The following CPSF2 variants were observed in gnomAD, a reference collection of about 807,000 sequenced individuals.
The protein encoded by CPSF2 is cleavage and polyadenylation specific factor 2.
Under a neutral mutation model 84.2 loss-of-function variants are expected in CPSF2, and 51 were observed. The ratio of observed to expected loss-of-function variants is 0.61; its 90% confidence interval spans 0.48 to 0.77. The LOEUF is 0.77. Among genes scored for constraint, CPSF2 ranks in the 30% least tolerant of loss-of-function variants. The probability of loss-of-function intolerance (pLI) is 0.00; values close to 1 mark genes in which losing one functional copy is unlikely to be tolerated. For synonymous variants in CPSF2, 286 were observed against 311.9 expected, an observed-to-expected ratio of 0.92 and a Z score of 0.87; for missense variants, 641 against 929.4, an observed-to-expected ratio of 0.69 and a Z score of 4.03.
chr14:92,155,066 T>A, intron 10 of CPSF2, 57 bp from the exon 11 acceptor site: 1 of 1,113,218 alleles, frequency 9.0e-7, no homozygotes, highest in Admixed American at 2.0e-5. Context: ...TTGATAAATA[T>A]TAATTTAAAA....
At chr14:92,133,990 C>T in intron 3 of CPSF2, 21 bp from the exon 4 acceptor site, 4 of 1,612,416 alleles carry the variant, frequency 2.5e-6, no homozygotes, top group Non-Finnish European at 3.4e-6. Context: ...AGAAGTAGTC[C>T]TTTGGATTGT....
Position 92,134,129 on chromosome 14 carries a change from GT to G in CPSF2, c.271del (p.Tyr91IlefsTer26). 5 of 1,614,114 alleles carry G rather than the reference GT, an allele frequency of 3.1e-6. No individual in the cohort carries two copies. Among genetic ancestry groups the G allele is most frequent in the Non-Finnish European group, 4.2e-6 (5 of 1,180,016 alleles). ...LNCAIYATIP[V>X]YKMGQMFMYD... ...CTGTGCTATCTATGCAACCATTCCTGTTTATAAAATGGGACAGATGTTCATG... is the reference window on the plus strand; with the variant it reads ...CTGTGCTATCTATGCAACCATTCCTGTTATAAAATGGGACAGATGTTCATG... On this transcript the variant is annotated frameshift_variant, in exon 4 of 16. Coordinates refer to ENST00000298875, the MANE Select transcript of CPSF2 (RefSeq NM_017437.3). LOFTEE classifies it high-confidence loss of function.
At chr14:92,142,131 G>T in intron 7 of CPSF2, 33 bp from the exon 8 acceptor site, 2 of 1,510,058 alleles carry the variant, frequency 1.3e-6, no homozygotes, top group Non-Finnish European at 1.8e-6. Context: ...GTATTGTTAC[G>T]TTCTATGGGG....
Position 92,161,998 on chromosome 14 carries a change from CT to C in CPSF2, c.*257del, listed in dbSNP as rs1243201444. ...CCAAGAGTTGAAGGTGATTGGTTTT[CT>C]TTACAGACTCCTTGTTCTCTAGAAG... On this transcript the variant is annotated 3_prime_UTR_variant, in exon 16 of 16. Transcript: ENST00000298875. 1.8e-5 allele frequency: 5 copies of C among 280,024 alleles called. No individual in the cohort carries two copies. The highest frequency in any genetic ancestry group is 1.1e-4 in the African/African-American group (5 of 45,532). The allele number at this position is 280,024 out of a possible 1,614,324, so 17.3% of individuals were successfully genotyped here.
In CPSF2 at chr14:92,157,799, G is replaced by A. The variant is rs1160049761; in HGVS notation, c.1736G>A (p.Arg579His). Residue 579 changes from arginine (R) to histidine (H), a missense_variant, in exon 13 of 16, where the codon CGC becomes CAC. Physicochemically the swap from Arg to His is conservative, Grantham distance 29. Around this residue, in one of 2 missense-constraint regions of CPSF2, gnomAD observed 430 missense variants for 553.6 expected, o/e 0.78. Transcript: ENST00000298875. The surrounding 1 kb of genome is among the most constrained non-coding windows in gnomAD (Gnocchi z 4.0). Reference sequence around the variant, plus strand: ...AGTCAAGATCTGGCAGAGTGCTGTCGCGCCTTTGGTGGGAAAGATATTAAA... The same window carrying A: ...AGTCAAGATCTGGCAGAGTGCTGTCACGCCTTTGGTGGGAAAGATATTAAA... Reference protein sequence around the residue: ...EASQDLAECCRAFGGKDIKVY... With the variant: ...EASQDLAECCHAFGGKDIKVY... 11 of 1,614,018 alleles carry A rather than the reference G, an allele frequency of 6.8e-6. No homozygotes were observed. The highest frequency in any genetic ancestry group is 2.2e-5 in the East Asian group (1 of 44,888).
rs561037627 is a variant in CPSF2 at position 92,143,296 on chromosome 14, T to G, written c.1140+2T>G. ...TCTGAAAAAATTACAGAAATAGAGG[T>G]AAGCACTTGTATGTGAACTTTATCT... On this transcript the variant is annotated splice_donor_variant, in intron 9 of 15. Coordinates refer to ENST00000298875, the MANE Select transcript of CPSF2 (RefSeq NM_017437.3). LOFTEE classifies it high-confidence loss of function. 6.3e-7 allele frequency: 1 copy of G among 1,577,202 alleles called. No individual in the cohort carries two copies. Among genetic ancestry groups the G allele is most frequent in the African/African-American group, 1.4e-5 (1 of 73,714 alleles).
intron 9 of CPSF2, among the ~76,000 whole-genome samples, chr14:92,144,236 A>G (rs1469493673): frequency 2.0e-5 from 3 of 152,052 alleles, no homozygotes; most frequent in African/African-American, 7.2e-5. Flanking sequence ...CTTTATTCTC[A>G]TTGACTTTAG....
At position 92,142,185 on chromosome 14, in the gene CPSF2, G is replaced by A. The variant is rs981925568; in HGVS notation, c.683G>A (p.Arg228Gln). The A allele has an allele frequency of 1.2e-6, 2 of 1,610,254 alleles. No individual in the cohort carries two copies. The highest frequency in any genetic ancestry group is 1.1e-5 in the South Asian group (1 of 90,590). ...QLLTNVLETL[R>Q]GDGNVLIAVD... Reference sequence around the variant, plus strand: ...CTAGCAAATGTCCTGGAAACACTTCGAGGTGATGGAAATGTGTTAATAGCA... The same window carrying A: ...CTAGCAAATGTCCTGGAAACACTTCAAGGTGATGGAAATGTGTTAATAGCA... The change falls in exon 8 of 16, where the codon CGA becomes CAA. Residue 228 changes from arginine (R) to glutamine (Q), a missense_variant. This residue lies in a region of CPSF2 where 211 missense variants were observed against 375.7 expected (regional missense o/e 0.56). Transcript: ENST00000298875.
intron 6 of CPSF2, among the ~76,000 whole-genome samples, chr14:92,136,817 GA>G (rs982743248): frequency 6.6e-6 from 1 of 152,032 alleles, no homozygotes; most frequent in African/African-American, 2.4e-5. Context: ...AACCATTTTG[GA>G]AAAAAATCAA....
Position 92,155,278 on chromosome 14 carries a change from C to T in CPSF2, c.1397C>T (p.Ala466Val). 6.2e-7 allele frequency: 1 copy of T among 1,613,938 alleles called. No individual in the cohort carries two copies. Among genetic ancestry groups the T allele is most frequent in the East Asian group, 2.2e-5 (1 of 44,850 alleles). Residue 466 changes from alanine (A) to valine (V), a missense_variant, in exon 11 of 16, where the codon GCC becomes GTC. Ala to Val is a moderately conservative substitution (Grantham distance 64). Coordinates refer to ENST00000298875, the MANE Select transcript of CPSF2 (RefSeq NM_017437.3). Reference protein sequence around the residue: ...QAKKSYPMFPAPEERIKWDEY... With the variant: ...QAKKSYPMFPVPEERIKWDEY... ...AAAAAGTCCTATCCTATGTTTCCTGCCCCAGAAGAAAGAATTAAATGGGAT... is the reference window on the plus strand; with the variant it reads ...AAAAAGTCCTATCCTATGTTTCCTGTCCCAGAAGAAAGAATTAAATGGGAT...
At chr14:92,145,997 G>A (rs762425121) in intron 9 of CPSF2, among the ~76,000 whole-genome samples, 1 of 151,970 alleles carries the variant, frequency 6.6e-6, no homozygotes, top group Non-Finnish European at 1.5e-5. Context: ...TCCCAATACT[G>A]TTCTGTCTTA....
At chr14:92,155,376 G>A (rs900304117) in intron 11 of CPSF2, 53 bp downstream of exon 11, 7 of 1,389,924 alleles carry the variant, frequency 5.0e-6, no homozygotes, top group African/African-American at 2.9e-5. Flanking sequence ...TATTAACTGT[G>A]TTATCATTTC....
chr14:92,130,833 T>G (rs577661253), intron 2 of CPSF2, 118 bp from the exon 3 acceptor site: 18 of 652,552 alleles, frequency 2.8e-5, no homozygotes, highest in Admixed American at 3.9e-5. Context: ...TTAAACTGCT[T>G]TTCGTGTTAA....
intron 8 of CPSF2, 127 bp downstream of exon 8, chr14:92,142,478 G>T: frequency 1.5e-6 from 1 of 689,210 alleles, no homozygotes; most frequent in Non-Finnish European, 2.4e-6. Flanking sequence ...TGATAACTTG[G>T]CATTAACCAT....
chr14:92,139,539 CTT>C (rs751552254), intron 7 of CPSF2, among the ~76,000 whole-genome samples: 27 of 136,580 alleles, frequency 2.0e-4, no homozygotes, highest in Non-Finnish European at 1.7e-4. Context: ...ATCTTACATT[CTT>C]TTTTTTTTTT....
At chr14:92,129,759 C>G (rs1249797957) in intron 2 of CPSF2, among the ~76,000 whole-genome samples, 1 of 152,000 alleles carries the variant, frequency 6.6e-6, no homozygotes, top group African/African-American at 2.4e-5. Context: ...CACTTTGTTG[C>G]CCAGTCTAGG....
chr14:92,155,458 C>T (rs1285863613), intron 11 of CPSF2, 135 bp downstream of exon 11: 11 of 664,522 alleles, frequency 1.7e-5, no homozygotes, highest in Admixed American at 2.7e-5. Flanking sequence ...AGTACCTCAG[C>T]CTGAAGACAC....
Position 92,157,972 on chromosome 14 carries a change from T to G in CPSF2, c.1821+88T>G. ...ATAACATTAGAAATACCGAGATGTG[T>G]GAGACAGACATGGATGGTCTCCTGC... On this transcript the variant is annotated intron_variant, in intron 13 of 15. Coordinates refer to ENST00000298875, the MANE Select transcript of CPSF2 (RefSeq NM_017437.3). This position sits in a 1 kb window ranked among gnomAD's most constrained non-coding sequence, Gnocchi z 4.0. 1.1e-6 allele frequency: 1 copy of G among 899,252 alleles called. No individual in the cohort carries two copies. Among genetic ancestry groups the G allele is most frequent in the Non-Finnish European group, 1.8e-6 (1 of 555,332 alleles). 55.7% of individuals were successfully genotyped at this position (899,252 alleles called of 1,614,324 possible). A position where few individuals can be genotyped will look rare whatever the true frequency, so the allele number is the denominator to read the frequency against.
At chr14:92,160,794 G>T (rs2025072) in intron 14 of CPSF2, among the ~76,000 whole-genome samples, 77,945 of 152,016 alleles carry the variant, frequency 0.51, 21,535 homozygotes, top group East Asian at 0.98. Context: ...CCCATGGCAC[G>T]CTAGTTGACC....
Sources: allele counts gnomAD v4.1 joint callset (sites outside exome capture counted in the v4.1 genomes callset), GRCh38; gene constraint gnomAD v4.1.1; regional missense constraint gnomAD v4.1.1; non-coding constraint Gnocchi (gnomAD v3.1); transcripts MANE v1.5; gene names NCBI Gene and HGNC (gene_info 2026-07-23, HGNC 2026-07-21).